DZIP3: variants seen among roughly 807,000 people sequenced by gnomAD.
DZIP3 encodes the protein E3 ubiquitin-protein ligase DZIP3.
In DZIP3, 118 loss-of-function variants were observed where a neutral mutation model predicts 162.0. The ratio of observed to expected loss-of-function variants is 0.73; its 90% CI spans 0.63 to 0.85. The LOEUF (loss-of-function observed/expected upper bound fraction) is 0.85, where lower values mean the gene tolerates loss of function less well. DZIP3 is among the 40% of genes least tolerant of loss of function. The probability of loss-of-function intolerance (pLI) is 0.00; values close to 1 mark genes in which losing one functional copy is unlikely to be tolerated. For synonymous variants in DZIP3, 438 were observed against 458.6 expected (o/e 0.96, Z 0.57); for missense variants, 1,331 against 1,407.0 (o/e 0.95, Z 0.86).
chr3:108,592,860 A>G (rs1939506665), intron 1 of DZIP3, among the ~76,000 whole-genome samples: 2 of 152,154 alleles, frequency 1.3e-5, no homozygotes, highest in African/African-American at 4.8e-5. Context: ...CTGCCTATAT[A>G]TCATCTGCAA....
intron 5 of DZIP3, among the ~76,000 whole-genome samples, chr3:108,617,737 A>G (rs917496040): frequency 1.3e-5 from 2 of 152,226 alleles, no homozygotes; most frequent in Non-Finnish European, 2.9e-5. Context: ...ATGAGGAAAC[A>G]AAGAAAATGG....
chr3:108,686,879 C>G (rs1559787447), intron 28 of DZIP3, among the ~76,000 whole-genome samples: 1 of 152,132 alleles, frequency 6.6e-6, no homozygotes, highest in Non-Finnish European at 1.5e-5. Context: ...TTTAATGGCA[C>G]TAACTGCCAT....
intron 31 of DZIP3, 102 bp from the exon 32 acceptor site, chr3:108,690,685 T>C: frequency 9.8e-7 from 1 of 1,019,548 alleles, no homozygotes; most frequent in Non-Finnish European, 1.5e-6. Context: ...GCTTTAAAGA[T>C]CCACCAGAAG....
chr3:108,594,885 A>G (rs763175782), intron 1 of DZIP3, among the ~76,000 whole-genome samples: 33 of 152,226 alleles, frequency 2.2e-4, no homozygotes, highest in Non-Finnish European at 3.1e-4. Flanking sequence ...AGCAGAAAGT[A>G]AAGGCTAATA....
chr3:108,691,037 G>A (rs1197009001), intron 32 of DZIP3, 134 bp downstream of exon 32: 6 of 675,060 alleles, frequency 8.9e-6, no homozygotes, highest in Non-Finnish European at 1.5e-5. Context: ...AGCCAAAGAA[G>A]TCAGGACAAA....
chr3:108,646,744 T>A, intron 15 of DZIP3, 95 bp downstream of exon 15: 2 of 985,670 alleles, frequency 2.0e-6, no homozygotes, highest in South Asian at 1.7e-5. Context: ...TGATAAACTA[T>A]AATTGTGAAG....
rs546794472 is a variant in DZIP3 at position 108,693,500 on chromosome 3, A to C, written c.*147A>C. 1 of 152,236 alleles carries C rather than the reference A, an allele frequency of 6.6e-6. No individual in the cohort carries two copies. The highest frequency in any genetic ancestry group is 6.5e-5 in the Admixed American group (1 of 15,278). The allele number at this position is 152,236 out of a possible 1,614,324, so 9.4% of individuals were successfully genotyped here. On this transcript the variant is annotated 3_prime_UTR_variant, in exon 33 of 33. Transcript: ENST00000361582. ...AGTTGTCAAATTGTTGCTAGCTTGA[A>C]ATCTGCGGCAATTGGAGTATTTACA...
chr3:108,659,765 A>C (rs541705090), intron 19 of DZIP3, among the ~76,000 whole-genome samples: 6 of 152,362 alleles, frequency 3.9e-5, no homozygotes, highest in Non-Finnish European at 8.8e-5. Flanking sequence ...AAATCTCCTT[A>C]AGCTGATAAG....
chr3:108,643,144 CAT>C (rs1446108859), intron 13 of DZIP3, among the ~76,000 whole-genome samples: 2 of 152,214 alleles, frequency 1.3e-5, no homozygotes, highest in South Asian at 2.1e-4. Context: ...TCTCTTGAAA[CAT>C]AGAATCTTGA....
At chr3:108,660,319 C>T (rs951768910) in intron 19 of DZIP3, among the ~76,000 whole-genome samples, 21 of 152,130 alleles carry the variant, frequency 1.4e-4, no homozygotes, top group Non-Finnish European at 2.1e-4. Flanking sequence ...GAACGGAGCC[C>T]TCAGAAATAA....
Position 108,662,358 on chromosome 3 carries a change from C to A in DZIP3, c.2423+101C>A, listed in dbSNP as rs1208664538. On this transcript the variant is annotated intron_variant, in intron 21 of 32. Transcript: ENST00000361582. ...ACCACTAGGTGGCACTGTGACTACA[C>A]ATTAGGAACCTCAACCACACGACTG... 8.8e-6 allele frequency: 12 copies of A among 1,356,984 alleles called. No individual in the cohort carries two copies. In the East Asian group the frequency reaches 2.0e-4, roughly 23 times the overall value. 84.1% of individuals were successfully genotyped at this position (1,356,984 alleles called of 1,614,324 possible).
At chr3:108,653,354 C>CT (rs1481297660) in intron 18 of DZIP3, among the ~76,000 whole-genome samples, 1 of 151,332 alleles carries the variant, frequency 6.6e-6, no homozygotes, top group East Asian at 1.9e-4. Context: ...ATATCACACT[C>CT]TAAGTAAAAA....
Position 108,688,934 on chromosome 3 carries a change from T to A in DZIP3, c.3516+10T>A. ...CAAATTCCATGCTCAGGTAACACTTTAAATTTTCCCATTAATCAGCTAAAT... is the reference window on the plus strand; with the variant it reads ...CAAATTCCATGCTCAGGTAACACTTAAAATTTTCCCATTAATCAGCTAAAT... On this transcript the variant is annotated intron_variant, in intron 31 of 32. Coordinates refer to ENST00000361582, the MANE Select transcript of DZIP3 (RefSeq NM_014648.4). 5.6e-6 allele frequency: 9 copies of A among 1,612,424 alleles called. No homozygotes were observed. The highest frequency in any genetic ancestry group is 5.9e-6 in the Non-Finnish European group (7 of 1,178,530).
At chr3:108,638,698 T>A (rs1469728278) in intron 12 of DZIP3, among the ~76,000 whole-genome samples, 2 of 152,210 alleles carry the variant, frequency 1.3e-5, no homozygotes, top group African/African-American at 4.8e-5. Context: ...GATATCATTA[T>A]TTCTCGTTTG....
At chr3:108,691,404 AAAGT>A (rs1212831706) in intron 32 of DZIP3, 1 of 150,888 alleles carries the variant, frequency 6.6e-6, no homozygotes, top group Non-Finnish European at 1.5e-5. Flanking sequence ...AAAAAAAAAG[AAAGT>A]AAAAAAAAAA....
chr3:108,595,838 G>A (rs1939685200), intron 1 of DZIP3, among the ~76,000 whole-genome samples: 1 of 152,218 alleles, frequency 6.6e-6, no homozygotes, highest in Non-Finnish European at 1.5e-5. Context: ...ATACCGGGGT[G>A]TGAACACAGG....
At chr3:108,629,305 A>C in intron 8 of DZIP3, 129 bp downstream of exon 8, 1 of 611,736 alleles carries the variant, frequency 1.6e-6, no homozygotes, top group Non-Finnish European at 2.8e-6. Flanking sequence ...CCTTTATTGC[A>C]TTACCTAGTG....
Position 108,653,507 on chromosome 3 carries a change from GTATATATATATATATATATA to G in DZIP3, c.2034-622_2034-603del, listed in dbSNP as rs57047978. Among the ~76,000 whole-genome samples, 9 of 104,618 alleles carry G rather than the reference GTATATATATATATATATATA, an allele frequency of 8.6e-5. 1 individual carries two copies. Among genetic ancestry groups the G allele is most frequent in the South Asian group, 6.5e-4 (2 of 3,082 alleles). 68.6% of individuals were successfully genotyped at this position (104,618 alleles called of 152,430 possible). ...TGGTTAATTGCCATTGTGTGTGTGTGTATATATATATATATATATATATATATATATATATGTAGTATTTT... is the reference window on the plus strand; with the variant it reads ...TGGTTAATTGCCATTGTGTGTGTGTGTATATATATATATATGTAGTATTTT... On this transcript the variant is annotated intron_variant, in intron 18 of 32. Coordinates refer to ENST00000361582, the MANE Select transcript of DZIP3 (RefSeq NM_014648.4).
chr3:108,616,480 T>C (rs574092437), intron 4 of DZIP3, 61 bp from the exon 5 acceptor site: 12 of 1,091,882 alleles, frequency 1.1e-5, no homozygotes, highest in African/African-American at 1.6e-5. Context: ...TTGTATAATG[T>C]AAACATATGT....
Sources: allele counts gnomAD v4.1 joint callset (sites outside exome capture counted in the v4.1 genomes callset), GRCh38; gene constraint gnomAD v4.1.1; transcripts MANE v1.5; gene names NCBI Gene and HGNC (gene_info 2026-07-23, HGNC 2026-07-21).